The following PITPNM2 variants were observed in gnomAD, a reference collection of about 807,000 sequenced individuals.
PITPNM2 encodes phosphatidylinositol transfer protein membrane associated 2, also known as membrane-associated phosphatidylinositol transfer protein 2.
In PITPNM2, 35 loss-of-function variants were observed where a neutral mutation model predicts 132.2. The ratio of observed to expected loss-of-function variants is 0.26; its 90% CI spans 0.20 to 0.35. The LOEUF (loss-of-function observed/expected upper bound fraction) is 0.35, where lower values mean the gene tolerates loss of function less well. Among genes scored for constraint, PITPNM2 ranks in the 10% least tolerant of loss-of-function variants. PITPNM2 has a pLI of 1.00. For missense variants in PITPNM2, 1,332 were observed against 1,912.0 expected (o/e 0.70, Z 5.66); for synonymous variants, 738 against 799.2 (o/e 0.92, Z 1.29).
intron 20 of PITPNM2, 53 bp downstream of exon 20, chr12:122,988,181 A>C: frequency 6.9e-7 from 1 of 1,456,772 alleles, no homozygotes; most frequent in Middle Eastern, 1.8e-4. Flanking sequence ...CTGGACACGG[A>C]GGCTGGTGAC....
rs990905431 is a variant in PITPNM2, at chr12:123,111,658, C to T, written c.-199-1170G>A. Among the ~76,000 whole-genome samples, 9 of 152,216 alleles carry T rather than the reference C, an allele frequency of 5.9e-5. No homozygotes were observed. Among genetic ancestry groups the T allele is most frequent in the Non-Finnish European group, 1.3e-4 (9 of 68,030 alleles). On this transcript the variant is annotated intron_variant, in intron 1 of 25. Transcript: ENST00000320201. This position sits in a 1 kb window ranked among gnomAD's most constrained non-coding sequence, Gnocchi z 4.1. ...CGCCACCGCGTCCTGCATGCCCACC[C>T]CCGTGCAGGCTCCTCTGTGGGACTG...
intron 3 of PITPNM2, among the ~76,000 whole-genome samples, chr12:123,017,406 G>C (rs1313575659): frequency 6.6e-6 from 1 of 151,184 alleles, no homozygotes; most frequent in East Asian, 1.9e-4. Flanking sequence ...TTCTCAAAAA[G>C]TTAAACATAG....
At chr12:123,140,913 C>T (rs1199918064) in intron 1 of PITPNM2, among the ~76,000 whole-genome samples, 1 of 150,418 alleles carries the variant, frequency 6.6e-6, no homozygotes, top group African/African-American at 2.5e-5. Flanking sequence ...GGAAAAGCTA[C>T]AGAACAAACA....
At chr12:123,124,976 T>C (rs1267405052) in intron 1 of PITPNM2, among the ~76,000 whole-genome samples, 1 of 152,184 alleles carries the variant, frequency 6.6e-6, no homozygotes, top group Non-Finnish European at 1.5e-5. Flanking sequence ...TTTTTTATTT[T>C]GAGACAGAGT....
At chr12:123,054,960 A>G (rs1429500475) in intron 2 of PITPNM2, among the ~76,000 whole-genome samples, 1 of 152,186 alleles carries the variant, frequency 6.6e-6, no homozygotes, top group Non-Finnish European at 1.5e-5. Flanking sequence ...GCTATTCAGG[A>G]GGCTGAGGCA....
At position 123,117,441 on chromosome 12, in the gene PITPNM2, T is replaced by C. The variant is rs1468838401; in HGVS notation, c.-199-6953A>G. Reference sequence around the variant, plus strand: ...CAGTGAAGTGATCATTGGCATGGGATTGAGACCAGAGTTCTGGCTGCTGAC... The same window carrying C: ...CAGTGAAGTGATCATTGGCATGGGACTGAGACCAGAGTTCTGGCTGCTGAC... On this transcript the variant is annotated intron_variant, in intron 1 of 25. Coordinates refer to ENST00000320201, the MANE Select transcript of PITPNM2 (RefSeq NM_020845.3). This position sits in a 1 kb window ranked among gnomAD's most constrained non-coding sequence, Gnocchi z 4.7. 6.6e-6 allele frequency among the ~76,000 whole-genome samples: 1 copy of C among 152,190 alleles called. No homozygotes were observed. The highest frequency in any genetic ancestry group is 1.5e-5 in the Non-Finnish European group (1 of 68,038).
chr12:123,012,719 G>A lies in PITPNM2; in HGVS notation c.309C>T (p.Phe103=), dbSNP rs1441084487. ...PYTRTRFTCP[F]VEKFSIDIET... ...CAATGTCGATGGAGAATTTCTCCAC[G>A]AAAGGACAGGTGAACCTGTGCGGAA... Residue 103 remains phenylalanine, a synonymous_variant, in exon 5 of 26, where the codon TTC becomes TTT. Transcript: ENST00000320201. 24 of 1,613,988 alleles carry A rather than the reference G, an allele frequency of 1.5e-5. No individual in the cohort carries two copies. Among genetic ancestry groups the A allele is most frequent in the African/African-American group, 4.0e-5 (3 of 74,928 alleles).
chr12:122,996,557 G>A lies in PITPNM2; in HGVS notation c.1683C>T (p.Cys561=), dbSNP rs1004569216. 13 of 1,612,944 alleles carry A rather than the reference G, an allele frequency of 8.1e-6. No individual in the cohort carries two copies. The highest frequency in any genetic ancestry group is 4.5e-5 in the East Asian group (2 of 44,900). ...CATCAAATGCCAGGATGCCCCCGAC[G>A]CAGTCCCCAATCAGGCAGACCTTGG... is the stretch of plus-strand genomic sequence containing the variant. ...FNGQVCLIGD[C]VGGILAFDAL... is the part of the protein sequence containing the mutation. The change falls in exon 13 of 26, where the codon TGC becomes TGT. Residue 561 remains cysteine, a synonymous_variant. Coordinates refer to ENST00000320201, the MANE Select transcript of PITPNM2 (RefSeq NM_020845.3).
At chr12:123,055,929 G>A (rs1381940821) in intron 2 of PITPNM2, among the ~76,000 whole-genome samples, 1 of 151,994 alleles carries the variant, frequency 6.6e-6, no homozygotes, top group Non-Finnish European at 1.5e-5. Context: ...CAAGATGTTA[G>A]TGAAAGCACG....
At chr12:123,012,380 A>G (rs940906) in intron 5 of PITPNM2, among the ~76,000 whole-genome samples, 143,938 of 152,256 alleles carry the variant, frequency 0.95, 68,366 homozygotes, top group East Asian at 1. Context: ...GGAGGGAAGC[A>G]GCTCTGGGTG....
Position 123,095,131 on chromosome 12 carries a change from C to T in PITPNM2, c.-96+15254G>A, listed in dbSNP as rs2042373495. Reference sequence around the variant, plus strand: ...GCTGGGGATCCAAGACTCTCCACTCCACCATCCTTGCACAGCAGGCTGATT... The same window carrying T: ...GCTGGGGATCCAAGACTCTCCACTCTACCATCCTTGCACAGCAGGCTGATT... On this transcript the variant is annotated intron_variant, in intron 2 of 25. Coordinates refer to ENST00000320201, the MANE Select transcript of PITPNM2 (RefSeq NM_020845.3). The surrounding 1 kb of genome is among the most constrained non-coding windows in gnomAD (Gnocchi z 5.0). Among the ~76,000 whole-genome samples the T allele has an allele frequency of 6.6e-6, 1 of 152,202 alleles. No individual in the cohort carries two copies. Among genetic ancestry groups the T allele is most frequent in the South Asian group, 2.1e-4 (1 of 4,834 alleles).
rs534821110 is a variant in PITPNM2 at position 123,020,299 on chromosome 12, T to C, written c.79-6257A>G. Among the ~76,000 whole-genome samples, 15 of 151,872 alleles carry C rather than the reference T, an allele frequency of 9.9e-5. No individual in the cohort carries two copies. In the East Asian group the frequency reaches 2.7e-3, roughly 28 times the overall value. ...CCACACCCAGCTAATTTTTGTATTT[T>C]TAGTAGAGATGGGGTTTCACCATGT... On this transcript the variant is annotated intron_variant, in intron 3 of 25. Transcript: ENST00000320201.
intron 5 of PITPNM2, 42 bp from the exon 6 acceptor site, chr12:123,010,119 C>T: frequency 6.7e-7 from 1 of 1,492,272 alleles, no homozygotes; most frequent in Non-Finnish European, 9.3e-7. Context: ...GCCCTGACCT[C>T]AACCCCCACC....
At position 122,988,745 on chromosome 12, in the gene PITPNM2, C is replaced by T. The variant is rs969332439; in HGVS notation, c.2859G>A (p.Val953=). 2 of 1,566,470 alleles carry T rather than the reference C, an allele frequency of 1.3e-6. No individual in the cohort carries two copies. Among genetic ancestry groups the T allele is most frequent in the African/African-American group, 1.4e-5 (1 of 73,954 alleles). ...FHASYWESTD[V]VSFLLRQVMR... ...GTACCTGTCTCAGCAGAAAGGAGAC[C>T]ACGTCTGTTGACTCCCAGTAGCTGG... Residue 953 remains valine, a synonymous_variant, in exon 19 of 26, where the codon GTG becomes GTA. Coordinates refer to ENST00000320201, the MANE Select transcript of PITPNM2 (RefSeq NM_020845.3).
rs763399671 is a variant in PITPNM2, at chr12:122,986,694, A to G, written c.3549T>C (p.His1183=). The G allele has an allele frequency of 1.1e-5, 17 of 1,613,436 alleles. No individual in the cohort carries two copies. The highest frequency in any genetic ancestry group is 4.5e-5 in the East Asian group (2 of 44,866). ...AGTTGGCCTTGTGCCGCAGCGGGTCATGCACCAGGCCGTCACAGAAGGACA... is the reference window on the plus strand; with the variant it reads ...AGTTGGCCTTGTGCCGCAGCGGGTCGTGCACCAGGCCGTCACAGAAGGACA... ...GVVSFCDGLV[H]DPLRHKANFL... The change falls in exon 24 of 26, where the codon CAT becomes CAC. Residue 1183 remains histidine, a synonymous_variant. Transcript: ENST00000320201.
At chr12:123,071,121 T>C (rs2041610584) in intron 2 of PITPNM2, among the ~76,000 whole-genome samples, 1 of 152,248 alleles carries the variant, frequency 6.6e-6, no homozygotes, top group Non-Finnish European at 1.5e-5. Flanking sequence ...GAGTGTCCAC[T>C]GTTGCTTGGG....
chr12:123,088,129 G>A (rs141023124), intron 2 of PITPNM2: 3 of 152,246 alleles, frequency 2.0e-5, no homozygotes, highest in Non-Finnish European at 2.9e-5. Flanking sequence ...TTCCTACCAC[G>A]TTTCTTCTCT....
intron 1 of PITPNM2, among the ~76,000 whole-genome samples, chr12:123,119,832 G>C (rs995349503): frequency 2.7e-5 from 4 of 147,116 alleles, no homozygotes; most frequent in Non-Finnish European, 6.0e-5. Context: ...TGAGTGGCTT[G>C]TTTTATTATT....
chr12:123,063,711 G>A (rs2041322540), intron 2 of PITPNM2, among the ~76,000 whole-genome samples: 1 of 152,142 alleles, frequency 6.6e-6, no homozygotes, highest in South Asian at 2.1e-4. Flanking sequence ...AAAGCCTAGA[G>A]CAGGGACCCC....
Sources: allele counts gnomAD v4.1 joint callset (sites outside exome capture counted in the v4.1 genomes callset), GRCh38; gene constraint gnomAD v4.1.1; non-coding constraint Gnocchi (gnomAD v3.1); transcripts MANE v1.5; gene names NCBI Gene and HGNC (gene_info 2026-07-23, HGNC 2026-07-21).